MLLT10: variants seen among roughly 807,000 people sequenced by gnomAD.
MLLT10 encodes the protein MLLT10 histone lysine methyltransferase DOT1L cofactor, also known as protein AF-10.
In MLLT10, 30 loss-of-function variants were observed where a neutral mutation model predicts 129.1. That is an observed-to-expected ratio of 0.23 (90% CI 0.17 to 0.32). The LOEUF is 0.32. Ranked by LOEUF, MLLT10 falls within the 10% of genes least tolerant of loss-of-function variation. The probability of loss-of-function intolerance (pLI) is 1.00; values close to 1 mark genes in which losing one functional copy is unlikely to be tolerated. For missense variants in MLLT10, 1,119 were observed against 1,268.3 expected, an observed-to-expected ratio of 0.88 and a Z score of 1.79; for synonymous variants, 490 against 446.4, an observed-to-expected ratio of 1.10 and a Z score of -1.23.
chr10:21,578,254 T>TAA (rs1187431259), intron 3 of MLLT10, among the ~76,000 whole-genome samples: 1 of 152,218 alleles, frequency 6.6e-6, no homozygotes, highest in African/African-American at 2.4e-5. Context: ...ATGTGCTTAT[T>TAA]GGTCATTTAT....
intron 3 of MLLT10, among the ~76,000 whole-genome samples, chr10:21,582,677 G>A (rs2041599112): frequency 6.6e-6 from 1 of 152,038 alleles, no homozygotes; most frequent in Non-Finnish European, 1.5e-5. Flanking sequence ...AGAGAGAGAG[G>A]CAGATCTCAC....
intron 5 of MLLT10, among the ~76,000 whole-genome samples, chr10:21,596,846 A>G (rs1348476791): frequency 6.6e-6 from 1 of 151,858 alleles, no homozygotes; most frequent in African/African-American, 2.4e-5. Context: ...TTTTCCCATA[A>G]TTTAACATTT....
chr10:21,690,890 C>CT (rs1016809719), intron 13 of MLLT10, among the ~76,000 whole-genome samples: 13 of 152,078 alleles, frequency 8.5e-5, no homozygotes, highest in African/African-American at 2.9e-4. Flanking sequence ...CTAATATCCT[C>CT]TTTTTTACTT....
Position 21,742,011 on chromosome 10 carries a change from A to G in MLLT10, c.*28A>G, listed in dbSNP as rs763310271. On this transcript the variant is annotated 3_prime_UTR_variant, in exon 23 of 23. Coordinates refer to ENST00000307729, the MANE Select transcript of MLLT10 (RefSeq NM_001195626.3). ...CCTGAGAAACATCTAGAAATTGCCT[A>G]TCCTGCTGTTCTAGCACTTCATCTG... 120 of 1,610,548 alleles carry G rather than the reference A, an allele frequency of 7.5e-5. No individual in the cohort carries two copies. The African/African-American group carries it at 1.4e-3, about 19-fold the overall frequency.
chr10:21,730,134 G>T (rs1204531168), intron 16 of MLLT10, among the ~76,000 whole-genome samples: 3 of 147,068 alleles, frequency 2.0e-5, no homozygotes, highest in Admixed American at 1.4e-4. Context: ...CCGCCTCCCC[G>T]CCCAAAAAAA....
intron 8 of MLLT10, among the ~76,000 whole-genome samples, chr10:21,650,215 G>A (rs1328141250): frequency 6.6e-6 from 1 of 152,076 alleles, no homozygotes; most frequent in Non-Finnish European, 1.5e-5. Flanking sequence ...GCCTTGTGTG[G>A]TGGCATGTGC....
chr10:21,741,123 G>C (rs1349223666), intron 22 of MLLT10, among the ~76,000 whole-genome samples: 8 of 152,200 alleles, frequency 5.3e-5, no homozygotes, highest in Non-Finnish European at 4.4e-5. Context: ...ATTCAAAATA[G>C]AGGATTGTTT....
chr10:21,710,953 G>A (rs2056025161), intron 13 of MLLT10, among the ~76,000 whole-genome samples: 1 of 152,150 alleles, frequency 6.6e-6, no homozygotes, highest in South Asian at 2.1e-4. Context: ...ATGCTTAAGA[G>A]TCATTGGTGA....
chr10:21,658,886 T>C (rs890072825), intron 9 of MLLT10, among the ~76,000 whole-genome samples: 1 of 152,262 alleles, frequency 6.6e-6, no homozygotes, highest in African/African-American at 2.4e-5. Flanking sequence ...TAGGATGGTC[T>C]CAATCTCTGG....
chr10:21,608,977 ATTCT>A (rs1460878911), intron 5 of MLLT10, among the ~76,000 whole-genome samples: 3 of 151,886 alleles, frequency 2.0e-5, no homozygotes, highest in Admixed American at 6.6e-5. Flanking sequence ...CTGGATAATG[ATTCT>A]TTCTTCTCCC....
At chr10:21,598,709 G>A (rs2043237089) in intron 5 of MLLT10, among the ~76,000 whole-genome samples, 2 of 152,092 alleles carry the variant, frequency 1.3e-5, no homozygotes, top group African/African-American at 4.8e-5. Flanking sequence ...ATGAAACCCT[G>A]TCTCTACTAA....
intron 14 of MLLT10, among the ~76,000 whole-genome samples, chr10:21,717,519 ACCTCCTCCTCCTCCT>A (rs1180960349): frequency 2.7e-5 from 2 of 75,274 alleles, no homozygotes; most frequent in African/African-American, 1.1e-4. Flanking sequence ...CTCCTCCACC[ACCTCCTCCTCCTCCT>A]CCTCCTCCCT....
chr10:21,566,056 G>A (rs1395995645), intron 3 of MLLT10, among the ~76,000 whole-genome samples: 1 of 143,332 alleles, frequency 7.0e-6, no homozygotes, highest in Non-Finnish European at 1.5e-5. Flanking sequence ...GGGTTCAAAC[G>A]ATTCTCCTGA....
At chr10:21,737,569 T>C (rs1268529766) in intron 21 of MLLT10, among the ~76,000 whole-genome samples, 2 of 152,182 alleles carry the variant, frequency 1.3e-5, no homozygotes, top group Admixed American at 6.5e-5. Context: ...CTTTCAGTGC[T>C]TCTGATTTTC....
chr10:21,555,538 G>A (rs2037798561), intron 3 of MLLT10, among the ~76,000 whole-genome samples: 2 of 152,010 alleles, frequency 1.3e-5, no homozygotes, highest in Non-Finnish European at 2.9e-5. Flanking sequence ...TTTAATTGGA[G>A]GTTTTTGTTT....
At chr10:21,592,911 TCA>T (rs1171575128) in intron 4 of MLLT10, among the ~76,000 whole-genome samples, 1 of 152,230 alleles carries the variant, frequency 6.6e-6, no homozygotes, top group East Asian at 1.9e-4. Context: ...ATTTTCTTTC[TCA>T]TATTTTCTCT....
intron 21 of MLLT10, among the ~76,000 whole-genome samples, chr10:21,739,124 C>T (rs755326855): frequency 1.3e-5 from 2 of 152,162 alleles, no homozygotes; most frequent in Non-Finnish European, 2.9e-5. Flanking sequence ...TTGACTCCAT[C>T]CTGAAATCAG....
chr10:21,679,134 T>C (rs561666425), intron 11 of MLLT10, among the ~76,000 whole-genome samples: 53 of 152,338 alleles, frequency 3.5e-4, no homozygotes, highest in Non-Finnish European at 1.8e-4. Context: ...TATTATGGAT[T>C]GAAGTGTGTC....
At chr10:21,586,228 AG>A (rs2041970852) in intron 3 of MLLT10, 65 bp from the exon 4 acceptor site, 3 of 1,256,144 alleles carry the variant, frequency 2.4e-6, no homozygotes, top group Non-Finnish European at 3.4e-6. Context: ...TTGACGTTGC[AG>A]GGAAGATACT....
Sources: gnomAD v4.1 joint callset for allele counts (sites outside exome capture counted in the v4.1 genomes callset) on GRCh38, gnomAD v4.1.1 for gene constraint, MANE v1.5 for transcripts, NCBI Gene and HGNC (gene_info 2026-07-23, HGNC 2026-07-21) for gene names.